Variants in CDCP1 observed in about 807,000 individuals in gnomAD.
CDCP1 encodes CUB domain-containing protein 1.
In CDCP1, 29 loss-of-function variants were observed where a neutral mutation model predicts 60.2. The observed-to-expected ratio is 0.48, with a 90% CI of 0.36 to 0.66. CDCP1 has a LOEUF of 0.66. Among genes scored for constraint, CDCP1 ranks in the 30% least tolerant of loss-of-function variants. The pLI, the probability that CDCP1 is intolerant of heterozygous loss-of-function variation, is 0.00. For synonymous variants in CDCP1, 387 were observed against 431.1 expected (o/e 0.90, Z 1.27); for missense variants, 876 against 1,074.3 (o/e 0.82, Z 2.58).
At chr3:45,115,616 G>C (rs1029015291) in intron 2 of CDCP1, among the ~76,000 whole-genome samples, 1 of 152,052 alleles carries the variant, frequency 6.6e-6, no homozygotes, top group Non-Finnish European at 1.5e-5. Context: ...CTCTGTAAAA[G>C]CTTCATTAAA....
At chr3:45,104,159 G>A (rs1698526083) in intron 4 of CDCP1, among the ~76,000 whole-genome samples, 1 of 152,174 alleles carries the variant, frequency 6.6e-6, no homozygotes, top group South Asian at 2.1e-4. Flanking sequence ...ATAATAATCA[G>A]GTGGACTGTG....
chr3:45,130,132 T>TA (rs1699062792), intron 1 of CDCP1, among the ~76,000 whole-genome samples: 1 of 151,984 alleles, frequency 6.6e-6, no homozygotes, highest in African/African-American at 2.4e-5. Flanking sequence ...AACTTTTTTT[T>TA]TTTTTTTGAG....
chr3:45,090,039 G>C (rs1698265699), intron 7 of CDCP1, among the ~76,000 whole-genome samples: 1 of 152,176 alleles, frequency 6.6e-6, no homozygotes, highest in South Asian at 2.1e-4. Flanking sequence ...AAAGGAAAGA[G>C]GAATGGAAAG....
chr3:45,101,500 T>C (rs1361044184), intron 4 of CDCP1, among the ~76,000 whole-genome samples: 4 of 152,176 alleles, frequency 2.6e-5, no homozygotes, highest in Non-Finnish European at 5.9e-5. Context: ...AGCTCACTTA[T>C]AGATGGCACA....
chr3:45,098,366 A>G (rs180871056), intron 4 of CDCP1, among the ~76,000 whole-genome samples: 46 of 152,206 alleles, frequency 3.0e-4, no homozygotes, highest in Non-Finnish European at 6.0e-4. Flanking sequence ...GTACAGATTT[A>G]TGTATGCAGA....
At chr3:45,090,638 A>C (rs1698277990) in intron 7 of CDCP1, among the ~76,000 whole-genome samples, 1 of 152,100 alleles carries the variant, frequency 6.6e-6, no homozygotes, top group East Asian at 1.9e-4. Context: ...TAGATTGACT[A>C]AAAAAAATCT....
intron 4 of CDCP1, among the ~76,000 whole-genome samples, chr3:45,108,124 A>G (rs1048378655): frequency 1.2e-4 from 17 of 140,060 alleles, no homozygotes; most frequent in Non-Finnish European, 2.6e-4. Context: ...GACTCTGCCT[A>G]AAAAAAAAAG....
At chr3:45,135,099 G>A (rs1258709104) in intron 1 of CDCP1, among the ~76,000 whole-genome samples, 1 of 152,196 alleles carries the variant, frequency 6.6e-6, no homozygotes, top group Non-Finnish European at 1.5e-5. Flanking sequence ...ACAAGAACAA[G>A]GACAGTCATT....
In CDCP1 at chr3:45,085,649, G is replaced by C; in HGVS notation, c.2500C>G (p.Pro834Ala). The change falls in exon 9 of 9, where the codon CCA becomes GCA. Residue 834 changes from proline (P) to alanine (A), a missense_variant. By Grantham distance (27) the Pro-to-Ala change is conservative. Transcript: ENST00000296129. The surrounding 1 kb of genome is among the most constrained non-coding windows in gnomAD (Gnocchi z 4.2). ...TGGAATGGATCAAGTTATTCTGCTG[G>C]CTCCATGGGCTCCTGAGTGTTCAGT... The part of the protein sequence containing the change: ...PLLNTQEPME[P>A]AE 1 of 1,611,180 alleles carries C rather than the reference G, an allele frequency of 6.2e-7. No individual in the cohort carries two copies.
At chr3:45,105,462 G>A (rs940259138) in intron 4 of CDCP1, among the ~76,000 whole-genome samples, 9 of 135,686 alleles carry the variant, frequency 6.6e-5, no homozygotes, top group African/African-American at 2.2e-4. Context: ...CATTCACCCA[G>A]AGTGGTTAAC....
chr3:45,143,227 C>A lies in CDCP1; in HGVS notation c.82+2979G>T, dbSNP rs558618265. ...CTCAAAAATTTAAAAAAAGAGTGTG[C>A]AGAACAACACAGCTGAAGAACACAT... On this transcript the variant is annotated intron_variant, in intron 1 of 8. Coordinates refer to ENST00000296129, the MANE Select transcript of CDCP1 (RefSeq NM_022842.5). 1.2e-4 allele frequency among the ~76,000 whole-genome samples: 18 copies of A among 152,134 alleles called. No homozygotes were observed. In the South Asian group the frequency reaches 3.5e-3, roughly 30 times the overall value.
chr3:45,142,585 A>G (rs1333565331), intron 1 of CDCP1, among the ~76,000 whole-genome samples: 1 of 152,144 alleles, frequency 6.6e-6, no homozygotes, highest in Non-Finnish European at 1.5e-5. Flanking sequence ...ATGGCTGGAA[A>G]GCACACCAGG....
Position 45,106,206 on chromosome 3 carries a change from T to A in CDCP1, c.1024+4267A>T, listed in dbSNP as rs1307547116. Among the ~76,000 whole-genome samples the A allele has an allele frequency of 6.6e-5, 10 of 152,162 alleles. No individual in the cohort carries two copies. In the East Asian group the frequency reaches 1.9e-3, roughly 29 times the overall value. ...TTAGGTTCAAGGTAACACCTGTCTG[T>A]TTTTTTGTAGCCTGGGCCCACTGTG... On this transcript the variant is annotated intron_variant, in intron 4 of 8. Coordinates refer to ENST00000296129, the MANE Select transcript of CDCP1 (RefSeq NM_022842.5).
rs1378037848 is a variant in CDCP1, at chr3:45,109,289, T to C, written c.1024+1184A>G. Among the ~76,000 whole-genome samples the C allele has an allele frequency of 2.0e-5, 3 of 152,054 alleles. No homozygotes were observed. The East Asian group carries it at 5.8e-4, about 30-fold the overall frequency. On this transcript the variant is annotated intron_variant, in intron 4 of 8. Transcript: ENST00000296129. ...TATACACACATTATACATACATACATATGGACGTTTCCAGGGCAGCACCAG... is the reference window on the plus strand; with the variant it reads ...TATACACACATTATACATACATACACATGGACGTTTCCAGGGCAGCACCAG...
chr3:45,133,318 C>CTG (rs1699130398), intron 1 of CDCP1, among the ~76,000 whole-genome samples: 2 of 151,698 alleles, frequency 1.3e-5, no homozygotes, highest in African/African-American at 4.8e-5. Context: ...AGAGAACCCA[C>CTG]CCGTGCTGTA....
chr3:45,109,296 G>A lies in CDCP1; in HGVS notation c.1024+1177C>T, dbSNP rs182494105. Among the ~76,000 whole-genome samples the A allele has an allele frequency of 1.9e-3, 291 of 151,930 alleles. 1 individual carries two copies. Among genetic ancestry groups the A allele is most frequent in the African/African-American group, 6.5e-3 (269 of 41,422 alleles). On this transcript the variant is annotated intron_variant, in intron 4 of 8. Transcript: ENST00000296129. ...ACATTATACATACATACATATGGACGTTTCCAGGGCAGCACCAGTTGGGCA... is the reference window on the plus strand; with the variant it reads ...ACATTATACATACATACATATGGACATTTCCAGGGCAGCACCAGTTGGGCA...
intron 4 of CDCP1, among the ~76,000 whole-genome samples, chr3:45,108,629 G>A (rs7622825): frequency 0.48 from 67,714 of 141,822 alleles, 17,523 homozygotes; most frequent in East Asian, 0.62. Flanking sequence ...TGATTGTACA[G>A]TTGTGACAGT....
chr3:45,131,878 G>C (rs902889607), intron 1 of CDCP1, among the ~76,000 whole-genome samples: 1 of 152,150 alleles, frequency 6.6e-6, no homozygotes, highest in Non-Finnish European at 1.5e-5. Context: ...CTGAATAAGG[G>C]ACACTGCTGC....
chr3:45,126,100 GTC>G (rs111756057), intron 1 of CDCP1, among the ~76,000 whole-genome samples: 5,310 of 112,592 alleles, frequency 0.047, 166 homozygotes, highest in South Asian at 0.084. Context: ...GCCATTCTTT[GTC>G]TCTCTCTCTT....
Sources: allele counts gnomAD v4.1 joint callset (sites outside exome capture counted in the v4.1 genomes callset), GRCh38; gene constraint gnomAD v4.1.1; non-coding constraint Gnocchi (gnomAD v3.1); transcripts MANE v1.5; gene names NCBI Gene and HGNC (gene_info 2026-07-23, HGNC 2026-07-21).